The following TLCD4 variants were observed in gnomAD, a reference collection of about 807,000 sequenced individuals.
The protein encoded by TLCD4 is TLC domain containing 4, also known as TLC domain-containing protein 4.
Under a neutral mutation model 24.2 loss-of-function variants are expected in TLCD4, and 7 were observed. The observed-to-expected ratio is 0.29, with a 90% CI of 0.16 to 0.54. The LOEUF is 0.54. Among genes scored for constraint, TLCD4 ranks in the 20% least tolerant of loss-of-function variants. The probability of loss-of-function intolerance (pLI) is 0.95; values close to 1 mark genes in which losing one functional copy is unlikely to be tolerated. For missense variants in TLCD4, 259 were observed against 313.9 expected (o/e 0.82, Z 1.32); for synonymous variants, 103 against 106.4 (o/e 0.97, Z 0.20).
chr1:95,107,026 C>A, the TLCD4 span, among the ~76,000 whole-genome samples: 1 of 152,260 alleles, frequency 6.6e-6, no homozygotes, highest in South Asian at 2.1e-4. Flanking sequence ...ATAGTAACAC[C>A]ATTGCAGGAA....
At chr1:95,101,391 A>C in the TLCD4 span, among the ~76,000 whole-genome samples, 1 of 149,252 alleles carries the variant, frequency 6.7e-6, no homozygotes, top group Admixed American at 6.8e-5. Flanking sequence ...GGTGCGTGCC[A>C]TTGTGCCTGA....
the TLCD4 span, among the ~76,000 whole-genome samples, chr1:95,109,029 A>C: frequency 6.6e-6 from 1 of 152,198 alleles, no homozygotes; most frequent in Non-Finnish European, 1.5e-5. Flanking sequence ...TGATATTGTA[A>C]TACATTTAAA....
intron 6 of TLCD4, among the ~76,000 whole-genome samples, chr1:95,176,414 C>T (rs975623582): frequency 2.0e-5 from 3 of 152,124 alleles, no homozygotes; most frequent in African/African-American, 4.8e-5. Context: ...TGGTCTCGAA[C>T]TCTTGACCTC....
intron 5 of TLCD4, chr1:95,163,707 G>C (rs1677909998): frequency 1.3e-5 from 2 of 152,250 alleles, no homozygotes. Context: ...CTTTCTGTTT[G>C]TTAGTTTTCC....
At chr1:95,103,369 T>C in the TLCD4 span, among the ~76,000 whole-genome samples, 2 of 152,072 alleles carry the variant, frequency 1.3e-5, no homozygotes, top group Non-Finnish European at 2.9e-5. Flanking sequence ...AGAAGAGAGG[T>C]TGGAAGATAG....
chr1:95,114,575 A>G (rs1676394024), upstream of TLCD4, among the ~76,000 whole-genome samples: 1 of 152,198 alleles, frequency 6.6e-6, no homozygotes, highest in South Asian at 2.1e-4. Flanking sequence ...GTAGCCTGTA[A>G]TCCCAGCACT....
intron 1 of TLCD4, among the ~76,000 whole-genome samples, chr1:95,135,635 T>G (rs1020924018): frequency 2.0e-5 from 3 of 152,068 alleles, no homozygotes; most frequent in Non-Finnish European, 4.4e-5. Context: ...TGACCTCAAG[T>G]GATCCACCCG....
chr1:95,148,224 T>C (rs1677400553), intron 2 of TLCD4, among the ~76,000 whole-genome samples: 2 of 152,204 alleles, frequency 1.3e-5, no homozygotes, highest in Admixed American at 6.5e-5. Flanking sequence ...CTTCATATCA[T>C]GATCCATTCG....
In TLCD4 at chr1:95,160,892, G is replaced by A. The variant is rs184803354; in HGVS notation, c.399+9473G>A. ...GGATAAGCTTCTTGATGTGCTGCTG[G>A]ATTTGGTTTGCCAGTATTTTATTGA... On this transcript the variant is annotated intron_variant, in intron 5 of 6. Transcript: ENST00000370203. 1.7e-4 allele frequency among the ~76,000 whole-genome samples: 26 copies of A among 152,302 alleles called. No individual in the cohort carries two copies. The East Asian group carries it at 5.0e-3, about 29-fold the overall frequency.
intron 5 of TLCD4, among the ~76,000 whole-genome samples, chr1:95,161,262 T>G (rs531111317): frequency 1.4e-4 from 22 of 152,328 alleles, no homozygotes; most frequent in African/African-American, 5.1e-4. Flanking sequence ...ATTTATCCAT[T>G]TCTTCTAGAT....
chr1:95,157,431 G>A (rs1459440412), intron 5 of TLCD4, among the ~76,000 whole-genome samples: 6 of 152,304 alleles, frequency 3.9e-5, no homozygotes, highest in Admixed American at 3.3e-4. Flanking sequence ...TAATGGGACT[G>A]TGTCAGAAGG....
intron 5 of TLCD4, among the ~76,000 whole-genome samples, chr1:95,159,393 A>G (rs1411248374): frequency 6.6e-6 from 1 of 152,122 alleles, no homozygotes; most frequent in Non-Finnish European, 1.5e-5. Flanking sequence ...AGTTCTTTGT[A>G]GATTCTGGAT....
chr1:95,181,609 T>TATTTATTTA (rs1410113804), intron 6 of TLCD4, among the ~76,000 whole-genome samples: 1 of 151,570 alleles, frequency 6.6e-6, no homozygotes, highest in Non-Finnish European at 1.5e-5. Flanking sequence ...ATTTATTTTT[T>TATTTATTTA]TTTTTGAGAT....
At chr1:95,113,048 T>C (rs1009269851), upstream of TLCD4, among the ~76,000 whole-genome samples, 3 of 149,804 alleles carry the variant, frequency 2.0e-5, no homozygotes, top group African/African-American at 7.3e-5. Context: ...TCTTTCTTTT[T>C]TTTTTTTTTT....
At chr1:95,122,448 T>C (rs1161784437) in intron 1 of TLCD4, among the ~76,000 whole-genome samples, 1 of 152,240 alleles carries the variant, frequency 6.6e-6, no homozygotes, top group Non-Finnish European at 1.5e-5. Context: ...TTATCATTGA[T>C]ATTCCGACCT....
chr1:95,168,101 G>A (rs1330202574), intron 5 of TLCD4, among the ~76,000 whole-genome samples: 4 of 152,152 alleles, frequency 2.6e-5, no homozygotes, highest in Non-Finnish European at 5.9e-5. Context: ...AAAGTGATGA[G>A]GACAATGATG....
chr1:95,141,019 G>A (rs940930798), intron 1 of TLCD4, among the ~76,000 whole-genome samples: 1 of 152,318 alleles, frequency 6.6e-6, no homozygotes, highest in Admixed American at 6.5e-5. Flanking sequence ...GCAAAGCTGA[G>A]AGTAGAACAA....
intron 6 of TLCD4, chr1:95,174,095 G>A (rs1024566758): frequency 1.5e-6 from 1 of 672,468 alleles, no homozygotes; most frequent in African/African-American, 1.8e-5. Flanking sequence ...AAGTGGTGGT[G>A]CTAGCTTTTA....
intron 1 of TLCD4, among the ~76,000 whole-genome samples, chr1:95,137,383 T>C (rs1335949332): frequency 6.6e-6 from 1 of 152,144 alleles, no homozygotes; most frequent in Non-Finnish European, 1.5e-5. Context: ...CCCTTCTTTT[T>C]AGGGATTTTT....
Sources: allele counts gnomAD v4.1 joint callset (sites outside exome capture counted in the v4.1 genomes callset), GRCh38; gene constraint gnomAD v4.1.1; transcripts MANE v1.5; gene names NCBI Gene and HGNC (gene_info 2026-07-23, HGNC 2026-07-21).